Variants in CHODL observed in about 807,000 individuals in gnomAD.
CHODL encodes transmembrane protein MT75.
A neutral mutation model predicts 34.5 loss-of-function variants in CHODL; 29 were observed. The ratio of observed to expected loss-of-function variants is 0.84; its 90% CI spans 0.63 to 1.15. The LOEUF (loss-of-function observed/expected upper bound fraction) is 1.15, where lower values mean the gene tolerates loss of function less well. CHODL is among the 50% of genes most tolerant of loss of function. CHODL has a pLI of 0.00. For missense variants in CHODL, 332 were observed against 332.5 expected (o/e 1.00, Z 0.01); for synonymous variants, 125 against 116.1 (o/e 1.08, Z -0.49).
chr21:18,079,662 A>C (rs1302866554), intron 2 of CHODL, among the ~76,000 whole-genome samples: 2 of 150,970 alleles, frequency 1.3e-5, no homozygotes, highest in Non-Finnish European at 3.0e-5. Context: ...CTGTTAATGG[A>C]CACTTTAGTT....
At chr21:17,929,724 T>C (rs2146318214) in intron 1 of CHODL, among the ~76,000 whole-genome samples, 1 of 152,334 alleles carries the variant, frequency 6.6e-6, no homozygotes, top group Admixed American at 6.5e-5. Flanking sequence ...GCCCGGAGAT[T>C]GCGCAGAGGC....
At chr21:17,965,110 T>G (rs1568820013) in intron 1 of CHODL, among the ~76,000 whole-genome samples, 1 of 152,198 alleles carries the variant, frequency 6.6e-6, no homozygotes. Context: ...TTAAACCATT[T>G]ATTTTTAATT....
chr21:18,265,856 T>A, intron 5 of CHODL, 98 bp from the exon 6 acceptor site: 1 of 935,624 alleles, frequency 1.1e-6, no homozygotes, highest in East Asian at 2.6e-5. Flanking sequence ...GGGGGAGTCT[T>A]TCATAAATAA....
intron 2 of CHODL, among the ~76,000 whole-genome samples, chr21:18,030,167 T>C (rs2064230741): frequency 6.6e-6 from 1 of 152,152 alleles, no homozygotes; most frequent in Non-Finnish European, 1.5e-5. Context: ...ATGTTACTCT[T>C]GAGATTAGGC....
intron 2 of CHODL, among the ~76,000 whole-genome samples, chr21:18,097,620 T>G (rs146812437): frequency 1.1e-4 from 16 of 152,230 alleles, no homozygotes; most frequent in Non-Finnish European, 2.1e-4. Flanking sequence ...GAAGAATTAA[T>G]ATTATTAAAA....
intron 1 of CHODL, among the ~76,000 whole-genome samples, chr21:18,002,582 G>T (rs1240392780): frequency 6.6e-6 from 1 of 152,150 alleles, no homozygotes; most frequent in African/African-American, 2.4e-5. Flanking sequence ...TCCAGGTGGT[G>T]TTGAGCTAGT....
At chr21:18,087,533 A>T (rs1028709065) in intron 2 of CHODL, among the ~76,000 whole-genome samples, 1 of 151,964 alleles carries the variant, frequency 6.6e-6, no homozygotes, top group Non-Finnish European at 1.5e-5. Context: ...GGCAGTGAAT[A>T]TTGTCCTAGA....
chr21:18,248,707 ATAATATATAC>A (rs2074182713), intron 1 of CHODL, among the ~76,000 whole-genome samples: 2 of 118,888 alleles, frequency 1.7e-5, no homozygotes, highest in Admixed American at 9.7e-5. Context: ...ATATATGTAT[ATAATATATAC>A]ATATATATGT....
chr21:18,254,839 A>C (rs1365149378), intron 1 of CHODL, among the ~76,000 whole-genome samples: 1 of 152,126 alleles, frequency 6.6e-6, no homozygotes, highest in East Asian at 1.9e-4. Context: ...GCACTGCTTA[A>C]CATGTAGAGG....
chr21:17,958,116 T>A (rs1456429116), intron 1 of CHODL, among the ~76,000 whole-genome samples: 2 of 152,182 alleles, frequency 1.3e-5, no homozygotes, highest in African/African-American at 4.8e-5. Flanking sequence ...TAGGCACATT[T>A]CCTGTCATTG....
At chr21:17,974,149 G>A (rs2063642335) in intron 1 of CHODL, among the ~76,000 whole-genome samples, 2 of 152,174 alleles carry the variant, frequency 1.3e-5, no homozygotes, top group South Asian at 2.1e-4. Context: ...ACTAAGCAAC[G>A]TTTTGCAAAA....
chr21:17,950,092 T>C (rs197583), intron 1 of CHODL, among the ~76,000 whole-genome samples: 64,581 of 151,946 alleles, frequency 0.43, 14,106 homozygotes, highest in East Asian at 0.64. Context: ...CTTCATTCTG[T>C]CTTTGCCACA....
chr21:18,145,162 C>G (rs974400917), intron 2 of CHODL, among the ~76,000 whole-genome samples: 1 of 151,168 alleles, frequency 6.6e-6, no homozygotes, highest in South Asian at 2.1e-4. Flanking sequence ...TTGGGCCGGG[C>G]GCGGTGGCTC....
chr21:17,958,054 C>T (rs1485994211), intron 1 of CHODL, among the ~76,000 whole-genome samples: 1 of 152,004 alleles, frequency 6.6e-6, no homozygotes, highest in South Asian at 2.1e-4. Context: ...AACATCAAGG[C>T]CAAGAGTTTT....
chr21:18,016,462 GAAAA>G (rs973812742), intron 1 of CHODL, among the ~76,000 whole-genome samples: 1 of 152,120 alleles, frequency 6.6e-6, no homozygotes, highest in Non-Finnish European at 1.5e-5. Context: ...CCAGGCAGAA[GAAAA>G]AAAGAATGGT....
rs571137632 is a variant in CHODL, at chr21:18,059,185, T to C, written c.-45+31214T>C. ...CCGGAAAGCTGTCCCTCTCTCTCTC[T>C]GTACACACACAGAGAAAGGTCATGT... On this transcript the variant is annotated intron_variant, in intron 2 of 6. Transcript: ENST00000400127. 5.3e-5 allele frequency among the ~76,000 whole-genome samples: 8 copies of C among 152,244 alleles called. No homozygotes were observed. The East Asian group carries it at 1.5e-3, about 29-fold the overall frequency.
At chr21:18,186,692 A>G (rs191852445) in intron 2 of CHODL, among the ~76,000 whole-genome samples, 127 of 152,322 alleles carry the variant, frequency 8.3e-4, no homozygotes, top group Admixed American at 1.6e-3. Flanking sequence ...CATTGAAAGC[A>G]TTCGATTTGT....
At chr21:18,021,680 C>T (rs1317146656) in intron 1 of CHODL, among the ~76,000 whole-genome samples, 2 of 152,076 alleles carry the variant, frequency 1.3e-5, no homozygotes, top group African/African-American at 4.8e-5. Flanking sequence ...GTATTAATAA[C>T]CACAGTGATA....
chr21:18,067,129 A>C (rs971211402), intron 2 of CHODL, among the ~76,000 whole-genome samples: 1 of 152,226 alleles, frequency 6.6e-6, no homozygotes, highest in Non-Finnish European at 1.5e-5. Flanking sequence ...CATTCGCCTC[A>C]GCACATTTTC....
Sources: gnomAD v4.1 joint callset for allele counts (sites outside exome capture counted in the v4.1 genomes callset) on GRCh38, gnomAD v4.1.1 for gene constraint, MANE v1.5 for transcripts, NCBI Gene and HGNC (gene_info 2026-07-23, HGNC 2026-07-21) for gene names.